The following RCAN3 variants were observed in gnomAD, a reference collection of about 807,000 sequenced individuals.
RCAN3 encodes the protein calcipressin-3.
Under a neutral mutation model 21.9 loss-of-function variants are expected in RCAN3, and 19 were observed. The observed-to-expected ratio is 0.87, with a 90% CI of 0.61 to 1.27. RCAN3 has a LOEUF of 1.27. RCAN3 is among the 50% of genes most tolerant of loss of function. The pLI is 0.00. For synonymous variants in RCAN3, 114 were observed against 112.3 expected (o/e 1.01, Z -0.09); for missense variants, 240 against 300.1 (o/e 0.80, Z 1.48).
At chr1:24,533,553 A>G (rs914374445) in intron 4 of RCAN3, among the ~76,000 whole-genome samples, 3 of 152,222 alleles carry the variant, frequency 2.0e-5, no homozygotes, top group African/African-American at 7.2e-5. Context: ...TAATCCTAGC[A>G]CTTTGGGAGG....
intron 1 of RCAN3, among the ~76,000 whole-genome samples, chr1:24,505,384 C>T (rs1294035701): frequency 6.6e-6 from 1 of 151,702 alleles, no homozygotes; most frequent in Non-Finnish European, 1.5e-5. Flanking sequence ...GGACTACAGG[C>T]GTGCACCATG....
intron 1 of RCAN3, among the ~76,000 whole-genome samples, chr1:24,506,715 T>C (rs1384929884): frequency 6.6e-6 from 1 of 150,578 alleles, no homozygotes; most frequent in Non-Finnish European, 1.5e-5. Context: ...GTACTCAAAA[T>C]TGAAGGTAGA....
intron 2 of RCAN3, among the ~76,000 whole-genome samples, chr1:24,521,658 G>C (rs1242761514): frequency 6.6e-6 from 1 of 150,660 alleles, no homozygotes; most frequent in African/African-American, 2.4e-5. Flanking sequence ...GACCAGCCTG[G>C]CAAACATGAT....
chr1:24,505,936 C>T (rs1428568399), intron 1 of RCAN3, among the ~76,000 whole-genome samples: 1 of 152,152 alleles, frequency 6.6e-6, no homozygotes, highest in Non-Finnish European at 1.5e-5. Flanking sequence ...GACATTTTGC[C>T]TTGATAGATG....
At chr1:24,513,930 G>A (rs1033314039) in intron 1 of RCAN3, among the ~76,000 whole-genome samples, 1 of 152,214 alleles carries the variant, frequency 6.6e-6, no homozygotes, top group African/African-American at 2.4e-5. Flanking sequence ...GCCAGTTACA[G>A]TGTTGTAGAT....
chr1:24,504,342 A>AT, intron 1 of RCAN3, among the ~76,000 whole-genome samples: 1 of 152,154 alleles, frequency 6.6e-6, no homozygotes, highest in Non-Finnish European at 1.5e-5. Flanking sequence ...ATGCCGGCTA[A>AT]TTTTTTGTAG....
At chr1:24,505,390 C>A (rs1647365282) in intron 1 of RCAN3, among the ~76,000 whole-genome samples, 1 of 151,804 alleles carries the variant, frequency 6.6e-6, no homozygotes, top group Admixed American at 6.6e-5. Flanking sequence ...CAGGCGTGCA[C>A]CATGTGTTTT....
Position 24,531,320 on chromosome 1 carries a change from G to T in RCAN3, c.298G>T (p.Ala100Ser), listed in dbSNP as rs1649742381. 1.9e-6 allele frequency: 3 copies of T among 1,613,796 alleles called. No individual in the cohort carries two copies. The South Asian group carries it at 3.3e-5, about 18-fold the overall frequency. The part of the protein sequence containing the change: ...VRINFSKPEA[A>S]ARARIELHET... ...AATAAATTTCAGCAAACCTGAAGCG[G>T]CAGCAAGAGCGCGAATAGAACTCCA... The change falls in exon 3 of 5, where the codon GCA becomes TCA. Residue 100 changes from alanine to serine, a missense_variant. Transcript: ENST00000374395.
chr1:24,506,749 T>G (rs907859097), intron 1 of RCAN3, among the ~76,000 whole-genome samples: 26 of 149,660 alleles, frequency 1.7e-4, no homozygotes, highest in African/African-American at 5.4e-4. Context: ...AGGTGTGATA[T>G]TCTAAGAATT....
At chr1:24,517,986 T>C (rs1464560083) in intron 2 of RCAN3, among the ~76,000 whole-genome samples, 3 of 152,200 alleles carry the variant, frequency 2.0e-5, no homozygotes, top group African/African-American at 7.2e-5. Flanking sequence ...TTTGTTGGAT[T>C]ACAGGCAGAA....
rs1028461501 is a variant in RCAN3, at chr1:24,540,460, G to C, written c.*5183G>C. The C allele has an allele frequency of 6.6e-6, 1 of 152,184 alleles. No homozygotes were observed. The highest frequency in any genetic ancestry group is 1.5e-5 in the Non-Finnish European group (1 of 68,046). 9.4% of individuals were successfully genotyped at this position (152,184 alleles called of 1,614,324 possible). A position where few individuals can be genotyped will look rare whatever the true frequency, so the allele number is the denominator to read the frequency against. On this transcript the variant is annotated 3_prime_UTR_variant, in exon 5 of 5. Transcript: ENST00000374395. ...GTAATGGAAGATTTCTATCTATGCA[G>C]ATAATACATGTTTTTAAATACTGTT...
intron 2 of RCAN3, among the ~76,000 whole-genome samples, chr1:24,523,061 C>CTATGT (rs148251956): frequency 7.3e-5 from 11 of 151,518 alleles, no homozygotes; most frequent in African/African-American, 2.7e-4. Flanking sequence ...TGTGTATGTA[C>CTATGT]ACACACTTTT....
intron 1 of RCAN3, among the ~76,000 whole-genome samples, chr1:24,506,287 T>C (rs1021176427): frequency 6.6e-6 from 1 of 152,114 alleles, no homozygotes; most frequent in Non-Finnish European, 1.5e-5. Context: ...GAAAGAAATA[T>C]AGATATCTTG....
intron 2 of RCAN3, among the ~76,000 whole-genome samples, chr1:24,528,526 A>T (rs1164336192): frequency 6.6e-6 from 1 of 152,232 alleles, no homozygotes; most frequent in Non-Finnish European, 1.5e-5. Flanking sequence ...CATGCAATAC[A>T]TAATCAAAAG....
chr1:24,510,572 G>A (rs958527442), intron 1 of RCAN3, among the ~76,000 whole-genome samples: 1 of 152,244 alleles, frequency 6.6e-6, no homozygotes, highest in African/African-American at 2.4e-5. Flanking sequence ...AGTGAAGAGA[G>A]TTAGGGCCTT....
At chr1:24,503,929 A>T (rs1484656477) in intron 1 of RCAN3, among the ~76,000 whole-genome samples, 1 of 152,266 alleles carries the variant, frequency 6.6e-6, no homozygotes, top group East Asian at 1.9e-4. Context: ...CTGTGATTAC[A>T]TACGATGTAA....
intron 2 of RCAN3, among the ~76,000 whole-genome samples, chr1:24,530,379 AG>A (rs1649665218): frequency 1.4e-5 from 2 of 143,050 alleles, no homozygotes; most frequent in African/African-American, 5.3e-5. Flanking sequence ...AAAAAAAAAA[AG>A]ACAGTCACAC....
At chr1:24,504,569 G>A (rs1322662177) in intron 1 of RCAN3, among the ~76,000 whole-genome samples, 1 of 152,212 alleles carries the variant, frequency 6.6e-6, no homozygotes, top group Non-Finnish European at 1.5e-5. Flanking sequence ...TTTCAAACAT[G>A]TGAACATTAG....
rs1161399890 is a variant in RCAN3, at chr1:24,528,125, GA to G, written c.196-3090del. ...AAAGGTTTGATTGTTTTGCCTTTGT[GA>G]AAGAGAAACTGTGGCTATAGGGAGT... On this transcript the variant is annotated intron_variant, in intron 2 of 4. Transcript: ENST00000374395. Among the ~76,000 whole-genome samples the G allele has an allele frequency of 2.0e-5, 3 of 152,034 alleles. No individual in the cohort carries two copies. In the South Asian group the frequency reaches 6.2e-4, roughly 32 times the overall value.
Sources: gnomAD v4.1 joint callset for allele counts (sites outside exome capture counted in the v4.1 genomes callset) on GRCh38, gnomAD v4.1.1 for gene constraint, MANE v1.5 for transcripts, NCBI Gene and HGNC (gene_info 2026-07-23, HGNC 2026-07-21) for gene names.